Variants in YIPF7 observed in about 807,000 individuals in gnomAD.
YIPF7 encodes the protein Yip1 domain family member 7.
Under a neutral mutation model 27.2 loss-of-function variants are expected in YIPF7, and 35 were observed. The observed-to-expected ratio is 1.29, with a 90% confidence interval of 0.98 to 1.70. The LOEUF is 1.70. Among genes scored for constraint, YIPF7 ranks in the 40% most tolerant of loss-of-function variants. The probability of loss-of-function intolerance (pLI) is 0.00; values close to 1 mark genes in which losing one functional copy is unlikely to be tolerated. For synonymous variants in YIPF7, 137 were observed against 110.4 expected (o/e 1.24, Z -1.51); for missense variants, 358 against 303.7 (o/e 1.18, Z -1.33).
chr4:44,635,890 G>A (rs1339537897), intron 3 of YIPF7, 32 bp downstream of exon 3: 2 of 1,609,516 alleles, frequency 1.2e-6, no homozygotes, highest in Admixed American at 3.3e-5. Flanking sequence ...TCTTCTAGCT[G>A]TACACACATT....
chr4:44,625,077 T>TAA (rs1712588948), intron 4 of YIPF7, among the ~76,000 whole-genome samples: 1 of 152,192 alleles, frequency 6.6e-6, no homozygotes, highest in Admixed American at 6.5e-5. Flanking sequence ...GTACAAGGCA[T>TAA]AAGTAAGACT....
chr4:44,651,836 T>A (rs550975919), upstream of YIPF7, among the ~76,000 whole-genome samples: 1 of 152,184 alleles, frequency 6.6e-6, no homozygotes, highest in African/African-American at 2.4e-5. Context: ...TACAATTCCC[T>A]TTTGTACATA....
At chr4:44,649,933 G>T (rs1420605312) in intron 2 of YIPF7, 52 bp downstream of exon 2, 3 of 933,196 alleles carry the variant, frequency 3.2e-6, no homozygotes, top group Admixed American at 2.8e-5. Flanking sequence ...ATATGTGGGT[G>T]ACAGAGTGAG....
chr4:44,650,774 C>T (rs1288568723), intron 1 of YIPF7, among the ~76,000 whole-genome samples: 2 of 152,160 alleles, frequency 1.3e-5, no homozygotes, highest in African/African-American at 4.8e-5. Flanking sequence ...ATAGTTTCCA[C>T]TCACTTCTAG....
At chr4:44,645,426 T>C (rs1713493978) in intron 2 of YIPF7, among the ~76,000 whole-genome samples, 1 of 152,196 alleles carries the variant, frequency 6.6e-6, no homozygotes, top group Non-Finnish European at 1.5e-5. Flanking sequence ...TTTGCTCTAT[T>C]AAGCCTATAG....
chr4:44,646,533 A>T (rs1279174187), intron 2 of YIPF7, among the ~76,000 whole-genome samples: 44 of 152,208 alleles, frequency 2.9e-4, no homozygotes, highest in Non-Finnish European at 7.3e-5. Flanking sequence ...ACATAATATG[A>T]ATAGATTTCA....
chr4:44,651,686 G>T, upstream of YIPF7: 1 of 1,230,320 alleles, frequency 8.1e-7, no homozygotes. Flanking sequence ...CTGACACCCT[G>T]AGCAGATGCT....
At chr4:44,652,263 G>C (rs972505286), upstream of YIPF7, among the ~76,000 whole-genome samples, 4 of 152,138 alleles carry the variant, frequency 2.6e-5, no homozygotes, top group Admixed American at 2.6e-4. Flanking sequence ...GCCCTTCTCT[G>C]TATCACTGGG....
chr4:44,660,940 C>G (rs1424217832), intron 1 of YIPF7, among the ~76,000 whole-genome samples: 1 of 152,082 alleles, frequency 6.6e-6, no homozygotes, highest in African/African-American at 2.4e-5. Flanking sequence ...GAAAAATAGA[C>G]AAGGGAACTT....
chr4:44,629,230 G>C (rs914594066), intron 4 of YIPF7, 173 bp downstream of exon 4: 3 of 665,218 alleles, frequency 4.5e-6, no homozygotes, highest in African/African-American at 3.8e-5. Flanking sequence ...CTTTTTAGCT[G>C]TTGCAATGCA....
At chr4:44,644,993 C>T (rs534844223) in intron 2 of YIPF7, among the ~76,000 whole-genome samples, 6 of 152,278 alleles carry the variant, frequency 3.9e-5, no homozygotes, top group African/African-American at 1.4e-4. Flanking sequence ...GACTCCTGCT[C>T]TTGCTTTGCC....
At chr4:44,623,045 G>A (rs1469975058) in intron 5 of YIPF7, among the ~76,000 whole-genome samples, 2 of 152,144 alleles carry the variant, frequency 1.3e-5, no homozygotes, top group East Asian at 1.9e-4. Flanking sequence ...TTTGTCGGAC[G>A]TCACAAAAAG....
At chr4:44,640,766 G>C (rs1287366840) in intron 2 of YIPF7, among the ~76,000 whole-genome samples, 2 of 152,142 alleles carry the variant, frequency 1.3e-5, no homozygotes, top group Non-Finnish European at 2.9e-5. Flanking sequence ...CTGCACTGGT[G>C]GCTGCAGCCC....
upstream of YIPF7, among the ~76,000 whole-genome samples, chr4:44,653,720 C>T (rs891398336): frequency 1.3e-5 from 2 of 151,998 alleles, no homozygotes; most frequent in Admixed American, 6.6e-5. Context: ...TGCATAATGC[C>T]ATAGGAAAAG....
Position 44,622,505 on chromosome 4 carries a change from A to C in YIPF7, c.680T>G (p.Ile227Ser). The C allele has an allele frequency of 6.2e-7, 1 of 1,613,924 alleles. No homozygotes were observed. The highest frequency in any genetic ancestry group is 1.1e-5 in the South Asian group (1 of 91,082). ...WCSLSASKIFIAALHMEGQQL... is the reference protein window; with the variant it reads ...WCSLSASKIFSAALHMEGQQL... ...CTGTCCTTCCATGTGCAAGGCTGCA[A>C]TGAAGATCTTGGAAGCTGAGAGACT... Residue 227 changes from isoleucine (I) to serine (S), a missense_variant, in exon 6 of 6, where the codon ATT becomes AGT. Coordinates refer to ENST00000415895, the MANE Select transcript of YIPF7 (RefSeq NM_182592.3).
chr4:44,653,587 G>A (rs956999666), upstream of YIPF7, among the ~76,000 whole-genome samples: 1 of 152,116 alleles, frequency 6.6e-6, no homozygotes, highest in African/African-American at 2.4e-5. Context: ...GTAGAGTACT[G>A]AACAAATACA....
In YIPF7 at chr4:44,636,103, C is replaced by T. The variant is rs756222516; in HGVS notation, c.117-18G>A. The T allele has an allele frequency of 6.3e-6, 10 of 1,589,046 alleles. No homozygotes were observed. The highest frequency in any genetic ancestry group is 2.2e-5 in the East Asian group (1 of 44,592). On this transcript the variant is annotated intron_variant, in intron 2 of 5. Transcript: ENST00000415895. ...CTTGTTGTCTAGAAAAAGAAAAATACAAACATTTACATGTCTAAGAAAAAG... is the reference window on the plus strand; with the variant it reads ...CTTGTTGTCTAGAAAAAGAAAAATATAAACATTTACATGTCTAAGAAAAAG...
intron 4 of YIPF7, among the ~76,000 whole-genome samples, chr4:44,628,370 T>C (rs1323521452): frequency 1.3e-5 from 2 of 148,184 alleles, no homozygotes; most frequent in Non-Finnish European, 3.0e-5. Context: ...TTTTATTTAG[T>C]TGCAAATGCA....
At chr4:44,634,152 G>A (rs1414990129) in intron 3 of YIPF7, among the ~76,000 whole-genome samples, 1 of 152,114 alleles carries the variant, frequency 6.6e-6, no homozygotes, top group Non-Finnish European at 1.5e-5. Flanking sequence ...TTTAAATTAC[G>A]GTTATGTTAT....
Sources: gnomAD v4.1 joint callset for allele counts (sites outside exome capture counted in the v4.1 genomes callset) on GRCh38, gnomAD v4.1.1 for gene constraint, MANE v1.5 for transcripts, NCBI Gene and HGNC (gene_info 2026-07-23, HGNC 2026-07-21) for gene names.